FMN1: variants seen among roughly 807,000 people sequenced by gnomAD.
FMN1 encodes formin-1.
A neutral mutation model predicts 132.4 loss-of-function variants in FMN1; 110 were observed. The observed-to-expected ratio is 0.83, with a 90% CI of 0.71 to 0.97. FMN1 has a LOEUF of 0.97. Among genes scored for constraint, FMN1 ranks in the 50% least tolerant of loss-of-function variants. The pLI is 0.00. For missense variants in FMN1, 1,792 were observed against 1,705.3 expected, an observed-to-expected ratio of 1.05 and a Z score of -0.90; for synonymous variants, 722 against 651.7, an observed-to-expected ratio of 1.11 and a Z score of -1.64.
At chr15:33,037,939 A>C (rs2036260450) in intron 6 of FMN1, among the ~76,000 whole-genome samples, 2 of 152,360 alleles carry the variant, frequency 1.3e-5, no homozygotes, top group South Asian at 4.1e-4. Context: ...AAATAAAACT[A>C]TTATGGTTGG....
intron 4 of FMN1, among the ~76,000 whole-genome samples, chr15:33,101,037 T>C (rs1219711235): frequency 2.0e-5 from 3 of 152,236 alleles, no homozygotes; most frequent in Admixed American, 1.3e-4. Flanking sequence ...TTCTGTACTT[T>C]CTACCGTTTT....
At chr15:32,905,407 G>C (rs1424675110) in intron 12 of FMN1, among the ~76,000 whole-genome samples, 20 of 152,136 alleles carry the variant, frequency 1.3e-4, no homozygotes, top group Admixed American at 1.3e-3. Context: ...GGCAGCTGTG[G>C]ACCTTCATGA....
chr15:33,139,347 A>G (rs1963906247), intron 4 of FMN1, among the ~76,000 whole-genome samples: 1 of 152,232 alleles, frequency 6.6e-6, no homozygotes, highest in South Asian at 2.1e-4. Context: ...CTGTAATCTC[A>G]GCACTTTGGG....
chr15:32,940,734 G>C (rs77296055), intron 9 of FMN1, among the ~76,000 whole-genome samples: 54 of 152,220 alleles, frequency 3.5e-4, no homozygotes, highest in African/African-American at 1.3e-3. Context: ...AGTCTTGAGA[G>C]ATGATAGGCT....
chr15:33,102,218 A>C (rs990873512), intron 4 of FMN1, among the ~76,000 whole-genome samples: 3 of 152,106 alleles, frequency 2.0e-5, no homozygotes, highest in Admixed American at 6.6e-5. Context: ...GTGTCTTTGT[A>C]AGTATTACTG....
chr15:33,154,840 T>C lies in FMN1; in HGVS notation c.75A>G (p.Pro25=). The change falls in exon 4 of 21, where the codon CCA becomes CCG. Residue 25 remains proline, a synonymous_variant. Coordinates refer to ENST00000616417, the MANE Select transcript of FMN1 (RefSeq NM_001277313.2). ...ATGAAAATCCTCTGACTTCCCCCTT[T>C]GGAAGACAGAAGCTGATGTAGCAGA... The part of the protein sequence containing the change: ...TELCYISFCL[P]KGEVRGFSYK... 1 of 1,536,188 alleles carries C rather than the reference T, an allele frequency of 6.5e-7. No homozygotes were observed.
At chr15:32,792,972 C>G (rs1281572609) in intron 19 of FMN1, among the ~76,000 whole-genome samples, 2 of 152,044 alleles carry the variant, frequency 1.3e-5, no homozygotes, top group Non-Finnish European at 2.9e-5. Context: ...TTATTTTGGC[C>G]TCTGTTATGG....
chr15:33,106,208 C>T (rs28718544), intron 4 of FMN1: 41,486 of 151,726 alleles, frequency 0.27, 7,137 homozygotes, highest in Admixed American at 0.38. Context: ...TCAATTTTTC[C>T]TTGCTTCTTA....
chr15:33,040,546 C>T (rs373844376), intron 6 of FMN1, among the ~76,000 whole-genome samples: 1 of 152,192 alleles, frequency 6.6e-6, no homozygotes, highest in African/African-American at 2.4e-5. Flanking sequence ...GAATTAATAA[C>T]AGCACCAATG....
At chr15:33,018,688 G>A (rs1268174804) in intron 6 of FMN1, among the ~76,000 whole-genome samples, 5 of 152,182 alleles carry the variant, frequency 3.3e-5, no homozygotes, top group African/African-American at 9.6e-5. Context: ...CAAGAATGAA[G>A]CTGCGGACCC....
chr15:32,791,914 T>C (rs898396748), intron 19 of FMN1, among the ~76,000 whole-genome samples: 4 of 151,534 alleles, frequency 2.6e-5, no homozygotes, highest in African/African-American at 9.7e-5. Context: ...CAGTAGGAAA[T>C]GTAGGTCTAA....
chr15:33,047,653 T>A (rs574038035), intron 6 of FMN1, among the ~76,000 whole-genome samples: 1 of 152,196 alleles, frequency 6.6e-6, no homozygotes, highest in Non-Finnish European at 1.5e-5. Flanking sequence ...CTGATGATTT[T>A]GAGTTATCAA....
intron 7 of FMN1, among the ~76,000 whole-genome samples, chr15:32,985,946 T>C (rs1309301887): frequency 6.6e-6 from 1 of 152,150 alleles, no homozygotes; most frequent in Non-Finnish European, 1.5e-5. Context: ...AAGGGGCCAA[T>C]GCAGGTGTTT....
intron 5 of FMN1, chr15:33,066,659 A>G: frequency 6.2e-7 from 1 of 1,613,772 alleles, no homozygotes; most frequent in Non-Finnish European, 8.5e-7. Context: ...GGGCCGGATG[A>G]ATAGGGCTTT....
At chr15:33,145,756 G>A (rs1449694007) in intron 4 of FMN1, among the ~76,000 whole-genome samples, 1 of 151,550 alleles carries the variant, frequency 6.6e-6, no homozygotes, top group East Asian at 1.9e-4. Context: ...TGAATCCTAG[G>A]GAGAACATAG....
chr15:32,921,679 CTT>C (rs11421047), intron 10 of FMN1, among the ~76,000 whole-genome samples: 41 of 140,774 alleles, frequency 2.9e-4, no homozygotes, highest in African/African-American at 1.0e-3. Flanking sequence ...TCTTTTTTTT[CTT>C]TTTTTTTTTT....
chr15:33,054,700 T>G (rs2037137126), intron 6 of FMN1, among the ~76,000 whole-genome samples: 1 of 152,194 alleles, frequency 6.6e-6, no homozygotes, highest in Non-Finnish European at 1.5e-5. Flanking sequence ...AAATGAGGGA[T>G]CCCACCATGA....
At chr15:32,799,978 T>C (rs1275969085) in intron 18 of FMN1, among the ~76,000 whole-genome samples, 2 of 152,192 alleles carry the variant, frequency 1.3e-5, no homozygotes, top group African/African-American at 4.8e-5. Flanking sequence ...AGTGGTTTTT[T>C]TTTTGTGTGT....
intron 4 of FMN1, among the ~76,000 whole-genome samples, chr15:33,138,967 G>A (rs1334379227): frequency 2.6e-5 from 4 of 152,036 alleles, no homozygotes; most frequent in African/African-American, 7.2e-5. Flanking sequence ...TCTGGTGAAT[G>A]GAGGACTAGG....
Sources: allele counts gnomAD v4.1 joint callset (sites outside exome capture counted in the v4.1 genomes callset), GRCh38; gene constraint gnomAD v4.1.1; transcripts MANE v1.5; gene names NCBI Gene and HGNC (gene_info 2026-07-23, HGNC 2026-07-21).